The following EDA variants were observed in gnomAD, a reference collection of about 807,000 sequenced individuals.
EDA encodes the protein ectodysplasin-A.
In EDA, 2 loss-of-function variants were observed where a neutral mutation model predicts 23.6. The ratio of observed to expected loss-of-function variants is 0.08; its 90% CI spans 0.03 to 0.27. The LOEUF is 0.27. EDA is among the 10% of genes least tolerant of loss of function. EDA has a pLI of 1.00. For missense variants in EDA, 229 were observed against 324.2 expected (o/e 0.71, Z 2.26); for synonymous variants, 131 against 132.0 (o/e 0.99, Z 0.05).
At chrX:70,011,526 T>C (rs1021567314) in intron 2 of EDA, among the ~76,000 whole-genome samples, 3 of 110,834 alleles carry the variant, frequency 2.7e-5, no homozygotes, top group Non-Finnish European at 5.7e-5. Flanking sequence ...AGACAGGGTT[T>C]CACCATGTTG....
chrX:69,994,359 T>C (rs1418462886), intron 2 of EDA, among the ~76,000 whole-genome samples: 1 of 112,095 alleles, frequency 8.9e-6, no homozygotes, highest in African/African-American at 3.2e-5. Context: ...TTCTTATTCA[T>C]CTGCCATTCT....
chrX:69,972,539 C>T (rs970814292), intron 2 of EDA, among the ~76,000 whole-genome samples: 6 of 111,697 alleles, frequency 5.4e-5, no homozygotes, highest in Admixed American at 2.9e-4. Flanking sequence ...CAGTACACTT[C>T]AATACCACAG....
chrX:69,636,632 GTTT>G (rs200303089), intron 1 of EDA, among the ~76,000 whole-genome samples: 2 of 89,454 alleles, frequency 2.2e-5, no homozygotes, highest in Admixed American at 1.3e-4. Flanking sequence ...CTGGTTCATG[GTTT>G]TTTTTTTTTT....
At chrX:69,661,440 G>A (rs776826408) in intron 1 of EDA, among the ~76,000 whole-genome samples, 1 of 107,934 alleles carries the variant, frequency 9.3e-6, no homozygotes, top group South Asian at 4.1e-4. Flanking sequence ...GTCCTGAATG[G>A]TATTGCCTAG....
chrX:69,642,138 T>C, intron 1 of EDA, among the ~76,000 whole-genome samples: 1 of 110,854 alleles, frequency 9.0e-6, no homozygotes, highest in South Asian at 3.8e-4. Context: ...AGGAGGATTA[T>C]AGGTGTGTCA....
chrX:69,895,395 T>TACACACACACACACAC (rs200298403), intron 1 of EDA, among the ~76,000 whole-genome samples: 34 of 86,165 alleles, frequency 3.9e-4, no homozygotes, highest in African/African-American at 1.5e-3. Context: ...TTTCTCAACC[T>TACACACACACACACAC]ACACACACAC....
intron 1 of EDA, among the ~76,000 whole-genome samples, chrX:69,678,252 G>C (rs1371699458): frequency 9.2e-6 from 1 of 108,546 alleles, no homozygotes; most frequent in African/African-American, 3.3e-5. Flanking sequence ...AAGTCAGGTA[G>C]TGTGATGCCT....
intron 1 of EDA, among the ~76,000 whole-genome samples, chrX:69,787,781 C>T (rs1187556434): frequency 1.8e-5 from 2 of 110,218 alleles, no homozygotes; most frequent in Non-Finnish European, 3.8e-5. Flanking sequence ...TGCAGTTGCT[C>T]TTCTCAAGGA....
chrX:69,710,238 A>G (rs2011929528), intron 1 of EDA, among the ~76,000 whole-genome samples: 1 of 110,246 alleles, frequency 9.1e-6, no homozygotes, highest in Non-Finnish European at 1.9e-5. Context: ...TCCCAGCACC[A>G]TTTATTAAAT....
intron 1 of EDA, among the ~76,000 whole-genome samples, chrX:69,853,840 C>A (rs931449144): frequency 9.2e-6 from 1 of 108,651 alleles, no homozygotes; most frequent in African/African-American, 3.3e-5. Flanking sequence ...GCATACTCCT[C>A]TGTTTGTTTT....
chrX:69,982,237 C>G (rs892051416), intron 2 of EDA, among the ~76,000 whole-genome samples: 7 of 111,650 alleles, frequency 6.3e-5, no homozygotes, highest in African/African-American at 2.0e-4. Context: ...CCAGGGTACC[C>G]TACTCCCACC....
At chrX:69,876,223 TATGG>T (rs2017642537) in intron 1 of EDA, among the ~76,000 whole-genome samples, 1 of 110,662 alleles carries the variant, frequency 9.0e-6, no homozygotes, top group Non-Finnish European at 1.9e-5. Flanking sequence ...GTTCCAAAAA[TATGG>T]AACCAGCCCA....
chrX:69,930,502 C>T (rs1203368149), intron 1 of EDA, among the ~76,000 whole-genome samples: 1 of 110,227 alleles, frequency 9.1e-6, no homozygotes, highest in African/African-American at 3.3e-5. Flanking sequence ...AACTCCCAAC[C>T]AACTAGGAGT....
At chrX:69,703,072 C>T (rs1248639351) in intron 1 of EDA, among the ~76,000 whole-genome samples, 2 of 110,319 alleles carry the variant, frequency 1.8e-5, no homozygotes, top group Non-Finnish European at 3.8e-5. Context: ...CTTGCATGGC[C>T]GTAGGGAGAC....
chrX:69,914,429 G>T (rs915934847), intron 1 of EDA, among the ~76,000 whole-genome samples: 1 of 111,498 alleles, frequency 9.0e-6, no homozygotes, highest in African/African-American at 3.3e-5. Flanking sequence ...AGGCTTTCTG[G>T]CTCCTGATCC....
intron 1 of EDA, among the ~76,000 whole-genome samples, chrX:69,847,437 A>G (rs1329697523): frequency 2.7e-5 from 3 of 111,042 alleles, no homozygotes; most frequent in Non-Finnish European, 3.8e-5. Context: ...ATCACCAAAA[A>G]ACTCCTTCAT....
rs1470273842 is a variant in EDA at position 69,766,401 on chromosome X, A to T, written c.396+149697A>T. On this transcript the variant is annotated intron_variant, in intron 1 of 7. Coordinates refer to ENST00000374552, the MANE Select transcript of EDA (RefSeq NM_001399.5). The stretch of plus-strand genomic sequence containing the variant: ...ACCCAGATACTAAGCCTAGTACCCA[A>T]TCGTTATTTTTTCTGACCCTCTCTC... Among the ~76,000 whole-genome samples, 4 of 110,321 alleles carry T rather than the reference A, an allele frequency of 3.6e-5. No homozygotes were observed. The Admixed American group carries it at 3.9e-4, about 11-fold the overall frequency.
At chrX:69,800,022 T>C (rs2015643806) in intron 1 of EDA, among the ~76,000 whole-genome samples, 1 of 111,993 alleles carries the variant, frequency 8.9e-6, no homozygotes, top group East Asian at 2.8e-4. Flanking sequence ...CACAATGTAA[T>C]ACTATTTGGC....
At chrX:69,899,709 A>T (rs1459648593) in intron 1 of EDA, among the ~76,000 whole-genome samples, 2 of 111,894 alleles carry the variant, frequency 1.8e-5, no homozygotes, top group Non-Finnish European at 3.8e-5. Flanking sequence ...ACTTCCGTAT[A>T]CATTCTTGTT....
Sources: gnomAD v4.1 joint callset for allele counts (sites outside exome capture counted in the v4.1 genomes callset) on GRCh38, gnomAD v4.1.1 for gene constraint, MANE v1.5 for transcripts, NCBI Gene and HGNC (gene_info 2026-07-23, HGNC 2026-07-21) for gene names.